Variants in UQCC6 observed in about 807,000 individuals in gnomAD.
The protein encoded by UQCC6 is protein BRAWNIN.
the UQCC6 span, among the ~76,000 whole-genome samples, chr12:103,960,952 T>TAAAA: frequency 1.7e-4 from 25 of 150,226 alleles, no homozygotes; most frequent in Non-Finnish European, 3.1e-4. Context: ...TATTCTTTTT[T>TAAAA]AAAAAAAAAA....
chr12:103,955,085 C>A, the UQCC6 span: 2 of 606,406 alleles, frequency 3.3e-6, no homozygotes, highest in East Asian at 2.9e-5. Flanking sequence ...GAGGCAGAGG[C>A]GGGCGGATCA....
At chr12:103,954,903 C>G in the UQCC6 span, 2 of 698,980 alleles carry the variant, frequency 2.9e-6, no homozygotes, top group African/African-American at 3.5e-5. Flanking sequence ...TTCAGATCCT[C>G]AAATCGTCTC....
At chr12:103,957,429 CTAT>C in the UQCC6 span, among the ~76,000 whole-genome samples, 2 of 152,230 alleles carry the variant, frequency 1.3e-5, no homozygotes, top group Admixed American at 1.3e-4. Context: ...AGGCCGTGGA[CTAT>C]TATTACATCG....
At chr12:103,951,474 A>G in the UQCC6 span, 1 of 1,079,722 alleles carries the variant, frequency 9.3e-7, no homozygotes, top group African/African-American at 1.6e-5. Context: ...GCAATAAATT[A>G]AGAAATACAT....
chr12:103,950,949 G>A, the UQCC6 span: 5 of 152,116 alleles, frequency 3.3e-5, no homozygotes, highest in Non-Finnish European at 5.9e-5. Context: ...GGGTGACGAC[G>A]GTCTGTCCTC....
At chr12:103,965,225 A>G in the UQCC6 span, among the ~76,000 whole-genome samples, 14 of 152,326 alleles carry the variant, frequency 9.2e-5, no homozygotes, top group African/African-American at 3.1e-4. Context: ...TGAGACATAA[A>G]AGAGGGGTTA....
chr12:103,956,531 G>A, the UQCC6 span: 20 of 769,650 alleles, frequency 2.6e-5, no homozygotes, highest in Admixed American at 3.1e-4. Flanking sequence ...TGGTCCAGGA[G>A]CATCTGCATT....
At chr12:103,960,731 T>C in the UQCC6 span, among the ~76,000 whole-genome samples, 1 of 152,108 alleles carries the variant, frequency 6.6e-6, no homozygotes, top group African/African-American at 2.4e-5. Flanking sequence ...CCCCATAAGA[T>C]TACAACGAAC....
chr12:103,954,760 AAGG>A, the UQCC6 span: 1 of 551,136 alleles, frequency 1.8e-6, no homozygotes, highest in Non-Finnish European at 3.2e-6. Context: ...AGACAGGAGA[AAGG>A]AGGTTATAAG....
chr12:103,951,371 G>A, the UQCC6 span: 8 of 502,444 alleles, frequency 1.6e-5, no homozygotes, highest in Admixed American at 3.6e-5. Flanking sequence ...CAATCAAACC[G>A]TAATTAAATT....
chr12:103,953,655 C>G, the UQCC6 span: 16 of 683,772 alleles, frequency 2.3e-5, no homozygotes, highest in Admixed American at 2.8e-4. Context: ...AGCCAGCCAC[C>G]TGGGCCTTCA....
chr12:103,957,975 TTAATATATATTTATATATTTA>T, the UQCC6 span, among the ~76,000 whole-genome samples: 139 of 145,068 alleles, frequency 9.6e-4, no homozygotes, highest in African/African-American at 2.5e-3. Flanking sequence ...TTATATATTT[TTAATATATATTTATATATTTA>T]TAATATATAT....
chr12:103,965,697 C>T, the UQCC6 span: 1 of 316,862 alleles, frequency 3.2e-6, no homozygotes, highest in African/African-American at 2.1e-5. Context: ...CGCTCCTAGT[C>T]CCCGTCTTCT....
chr12:103,958,104 T>C, the UQCC6 span, among the ~76,000 whole-genome samples: 1 of 148,952 alleles, frequency 6.7e-6, no homozygotes, highest in African/African-American at 2.5e-5. Flanking sequence ...TAATCCCAGC[T>C]ACTCGGGAGG....
At chr12:103,964,299 A>G in the UQCC6 span, among the ~76,000 whole-genome samples, 1 of 151,736 alleles carries the variant, frequency 6.6e-6, no homozygotes, top group Non-Finnish European at 1.5e-5. Flanking sequence ...ACTACAGGTG[A>G]CAGAGATGGG....
chr12:103,954,460 G>A, the UQCC6 span, among the ~76,000 whole-genome samples: 4 of 152,214 alleles, frequency 2.6e-5, no homozygotes, highest in Admixed American at 2.6e-4. Flanking sequence ...CACAAGGCAA[G>A]AGAGGGAGTG....
At chr12:103,963,074 CTT>C in the UQCC6 span, among the ~76,000 whole-genome samples, 168 of 138,202 alleles carry the variant, frequency 1.2e-3, no homozygotes, top group African/African-American at 2.1e-3. Flanking sequence ...TAATACTACA[CTT>C]TTTTTTTTTT....
At chr12:103,953,447 C>CA in the UQCC6 span, 1 of 702,264 alleles carries the variant, frequency 1.4e-6, no homozygotes, top group African/African-American at 1.7e-5. Flanking sequence ...GCACTGAGCA[C>CA]AAGTCTAGGC....
chr12:103,952,360 A>G, the UQCC6 span, among the ~76,000 whole-genome samples: 4 of 152,330 alleles, frequency 2.6e-5, no homozygotes, highest in African/African-American at 9.6e-5. Context: ...AGCTTGTATC[A>G]GTATTTCATT....
Sources: gnomAD v4.1 joint callset for allele counts (sites outside exome capture counted in the v4.1 genomes callset) on GRCh38, gnomAD v4.1.1 for gene constraint, MANE v1.5 for transcripts, NCBI Gene and HGNC (gene_info 2026-07-23, HGNC 2026-07-21) for gene names.